The following CAMSAP1 variants were observed in gnomAD, a reference collection of about 807,000 sequenced individuals.
CAMSAP1 encodes the protein calmodulin regulated spectrin associated protein 1.
Under a neutral mutation model 143.5 loss-of-function variants are expected in CAMSAP1, and 58 were observed. The ratio of observed to expected loss-of-function variants is 0.40; its 90% CI spans 0.33 to 0.50. The LOEUF (loss-of-function observed/expected upper bound fraction) is 0.50, where lower values mean the gene tolerates loss of function less well. CAMSAP1 is among the 20% of genes least tolerant of loss of function. The pLI is 0.45. For missense variants in CAMSAP1, 1,969 were observed against 2,115.7 expected (o/e 0.93, Z 1.36); for synonymous variants, 945 against 859.3 (o/e 1.10, Z -1.74).
In CAMSAP1 at chr9:135,818,826, C is replaced by T. The variant is rs1007609419; in HGVS notation, c.3959+184G>A. On this transcript the variant is annotated intron_variant, in intron 12 of 16. Coordinates refer to ENST00000389532, the MANE Select transcript of CAMSAP1 (RefSeq NM_015447.4). The surrounding 1 kb of genome is among the most constrained non-coding windows in gnomAD (Gnocchi z 7.7). ...ACACAGCCTCCCTGGCCACCGGCAA[C>T]GCACGTCCTCACTGAAGATCAGCAG... 6.6e-6 allele frequency among the ~76,000 whole-genome samples: 1 copy of T among 152,188 alleles called. No individual in the cohort carries two copies. Among genetic ancestry groups the T allele is most frequent in the African/African-American group, 2.4e-5 (1 of 41,448 alleles).
chr9:135,850,284 ATG>A (rs1365545687), intron 6 of CAMSAP1, 36 bp downstream of exon 6: 22 of 1,612,420 alleles, frequency 1.4e-5, no homozygotes, highest in Non-Finnish European at 1.8e-5. Context: ...TTATTCACAC[ATG>A]GTTTTAAAAC....
rs1050653364 is a variant in CAMSAP1 at position 135,818,163 on chromosome 9, C to G, written c.4169-84G>C. On this transcript the variant is annotated intron_variant, in intron 13 of 16. Transcript: ENST00000389532. This position sits in a 1 kb window ranked among gnomAD's most constrained non-coding sequence, Gnocchi z 7.7. ...TCCCCTGTACCTGTTCCCCTCACCTCGCCCTGCAGAGCTCGGCCACACAGG... is the reference window on the plus strand; with the variant it reads ...TCCCCTGTACCTGTTCCCCTCACCTGGCCCTGCAGAGCTCGGCCACACAGG... 1.7e-5 allele frequency: 24 copies of G among 1,415,962 alleles called. No individual in the cohort carries two copies. In the Admixed American group the frequency reaches 4.7e-4, roughly 28 times the overall value. 87.7% of individuals were successfully genotyped at this position (1,415,962 alleles called of 1,614,324 possible).
At chr9:135,825,254 AAGAG>A (rs781778968) in intron 8 of CAMSAP1, among the ~76,000 whole-genome samples, 2 of 152,220 alleles carry the variant, frequency 1.3e-5, no homozygotes, top group African/African-American at 2.4e-5. Flanking sequence ...AATTAAAAAA[AAGAG>A]AGAGAACTTC....
chr9:135,852,466 T>C (rs1337259260), intron 5 of CAMSAP1, among the ~76,000 whole-genome samples: 1 of 152,208 alleles, frequency 6.6e-6, no homozygotes, highest in African/African-American at 2.4e-5. Flanking sequence ...AAATTTTACT[T>C]TTCAGGTTTG....
At chr9:135,832,204 C>T (rs1380810203) in intron 7 of CAMSAP1, among the ~76,000 whole-genome samples, 1 of 152,126 alleles carries the variant, frequency 6.6e-6, no homozygotes, top group East Asian at 1.9e-4. Context: ...AACATTACAT[C>T]AAAAAGATTA....
Position 135,836,979 on chromosome 9 carries a change from G to C in CAMSAP1, c.1046-9395C>G, listed in dbSNP as rs899328907. ...CCACACACTTTCTACCCATTCTACAGACACACATCATCACGCACTTTCTAC... is the reference window on the plus strand; with the variant it reads ...CCACACACTTTCTACCCATTCTACACACACACATCATCACGCACTTTCTAC... On this transcript the variant is annotated intron_variant, in intron 7 of 16. Transcript: ENST00000389532. 45 of 972,396 alleles carry C rather than the reference G, an allele frequency of 4.6e-5. No individual in the cohort carries two copies. In the African/African-American group the frequency reaches 7.1e-4, roughly 15 times the overall value. The allele number at this position is 972,396 out of a possible 1,614,324, so 60.2% of individuals were successfully genotyped here. A position where few individuals can be genotyped will look rare whatever the true frequency, so the allele number is the denominator to read the frequency against.
intron 2 of CAMSAP1, 84 bp from the exon 3 acceptor site, chr9:135,881,878 AT>A (rs1837967305): frequency 4.1e-6 from 6 of 1,477,714 alleles, no homozygotes; most frequent in Non-Finnish European, 5.5e-6. Flanking sequence ...CATACTCAGC[AT>A]TCTGGCCTAA....
At position 135,815,976 on chromosome 9, in the gene CAMSAP1, A is replaced by G. The variant is rs777441006; in HGVS notation, c.4301T>C (p.Leu1434Pro). ...RVESMEALPI[L>P]SRNPSRSTDR... Reference sequence around the variant, plus strand: ...TGTGCTCCTGCTTGGGTTACGGCTCAGTATGGGCAGGGCTTCCATCGATTC... The same window carrying G: ...TGTGCTCCTGCTTGGGTTACGGCTCGGTATGGGCAGGGCTTCCATCGATTC... The change falls in exon 15 of 17, where the codon CTG becomes CCG. Residue 1434 changes from leucine to proline, a missense_variant. Around this residue, in one of 4 missense-constraint regions of CAMSAP1, gnomAD observed 1,390 missense variants for 1,420.8 expected, o/e 0.98. Coordinates refer to ENST00000389532, the MANE Select transcript of CAMSAP1 (RefSeq NM_015447.4). 2 of 1,613,808 alleles carry G rather than the reference A, an allele frequency of 1.2e-6. No homozygotes were observed. The highest frequency in any genetic ancestry group is 8.5e-7 in the Non-Finnish European group (1 of 1,179,898).
intron 3 of CAMSAP1, among the ~76,000 whole-genome samples, chr9:135,874,480 G>GGC (rs1554797550): frequency 7.2e-6 from 1 of 139,572 alleles, no homozygotes; most frequent in Non-Finnish European, 1.5e-5. Context: ...CTCAAAAAAG[G>GGC]GGGGGGGGGG....
chr9:135,880,988 T>C (rs1032476595), intron 3 of CAMSAP1, among the ~76,000 whole-genome samples: 1 of 152,132 alleles, frequency 6.6e-6, no homozygotes, highest in Non-Finnish European at 1.5e-5. Flanking sequence ...TCAAAATGCT[T>C]CTGAAGGCAT....
intron 5 of CAMSAP1, among the ~76,000 whole-genome samples, chr9:135,856,248 T>C (rs1257750277): frequency 6.6e-6 from 1 of 152,140 alleles, no homozygotes; most frequent in Non-Finnish European, 1.5e-5. Flanking sequence ...CTCACCATCA[T>C]GGCGGAAGAT....
chr9:135,875,206 A>G (rs950908186), intron 3 of CAMSAP1, among the ~76,000 whole-genome samples: 8 of 100,660 alleles, frequency 7.9e-5, no homozygotes, highest in Non-Finnish European at 1.4e-4. Context: ...AGAATAGTGA[A>G]AACAATTTTT....
At position 135,820,621 on chromosome 9, in the gene CAMSAP1, A is replaced by G. The variant is rs1835408478; in HGVS notation, c.3822+218T>C. Among the ~76,000 whole-genome samples the G allele has an allele frequency of 6.6e-6, 1 of 151,926 alleles. No homozygotes were observed. Among genetic ancestry groups the G allele is most frequent in the African/African-American group, 2.4e-5 (1 of 41,340 alleles). ...CTCATAACAAAGTCGTCTCAGCCAC[A>G]CCACGCTCACTTGCATGCGTATTGC... On this transcript the variant is annotated intron_variant, in intron 11 of 16. Coordinates refer to ENST00000389532, the MANE Select transcript of CAMSAP1 (RefSeq NM_015447.4). This position sits in a 1 kb window ranked among gnomAD's most constrained non-coding sequence, Gnocchi z 4.4.
intron 7 of CAMSAP1, among the ~76,000 whole-genome samples, chr9:135,834,229 C>G (rs967019552): frequency 6.6e-6 from 1 of 152,156 alleles, no homozygotes; most frequent in Non-Finnish European, 1.5e-5. Context: ...TATAGCCATT[C>G]TGAAAAACAG....
chr9:135,869,774 C>T (rs545335970), intron 3 of CAMSAP1, among the ~76,000 whole-genome samples: 1 of 152,216 alleles, frequency 6.6e-6, no homozygotes, highest in Admixed American at 6.5e-5. Flanking sequence ...TGCAGAAACA[C>T]CACAAATGCC....
At chr9:135,835,191 G>A (rs898876242) in intron 7 of CAMSAP1, among the ~76,000 whole-genome samples, 2 of 152,060 alleles carry the variant, frequency 1.3e-5, no homozygotes, top group Non-Finnish European at 2.9e-5. Flanking sequence ...TAAGGGAGAA[G>A]TACCATAACT....
rs1026588716 is a variant in CAMSAP1 at position 135,824,182 on chromosome 9, T to C, written c.1316-148A>G. ...AAAGCAGAGAGGCAAAACCATACAGTTGTCCCACATTTTGATGGTAACACA... is the reference window on the plus strand; with the variant it reads ...AAAGCAGAGAGGCAAAACCATACAGCTGTCCCACATTTTGATGGTAACACA... On this transcript the variant is annotated intron_variant, in intron 9 of 16. Transcript: ENST00000389532. This position sits in a 1 kb window ranked among gnomAD's most constrained non-coding sequence, Gnocchi z 4.1. 5 of 677,042 alleles carry C rather than the reference T, an allele frequency of 7.4e-6. No homozygotes were observed. The highest frequency in any genetic ancestry group is 5.3e-5 in the African/African-American group (3 of 56,154). 41.9% of individuals were successfully genotyped at this position (677,042 alleles called of 1,614,324 possible). A position where few individuals can be genotyped will look rare whatever the true frequency, so the allele number is the denominator to read the frequency against.
intron 1 of CAMSAP1, among the ~76,000 whole-genome samples, chr9:135,886,235 A>G (rs1838117052): frequency 6.6e-6 from 1 of 152,204 alleles, no homozygotes; most frequent in Admixed American, 6.5e-5. Flanking sequence ...AGGAAGAGAT[A>G]AAGTCACTGT....
chr9:135,855,419 T>C (rs1329374605), intron 5 of CAMSAP1, among the ~76,000 whole-genome samples: 1 of 152,180 alleles, frequency 6.6e-6, no homozygotes, highest in Non-Finnish European at 1.5e-5. Flanking sequence ...CCTTTTCTAT[T>C]GCTGCATGCC....
Sources: allele counts gnomAD v4.1 joint callset (sites outside exome capture counted in the v4.1 genomes callset), GRCh38; gene constraint gnomAD v4.1.1; regional missense constraint gnomAD v4.1.1; non-coding constraint Gnocchi (gnomAD v3.1); transcripts MANE v1.5; gene names NCBI Gene and HGNC (gene_info 2026-07-23, HGNC 2026-07-21).